TMTC2: variants seen among roughly 807,000 people sequenced by gnomAD.
TMTC2 encodes the protein protein O-mannosyl-transferase TMTC2.
TMTC2 carries 43 observed loss-of-function variants against 82.4 expected under a neutral mutation model. The ratio of observed to expected loss-of-function variants is 0.52; its 90% CI spans 0.41 to 0.67. The LOEUF (loss-of-function observed/expected upper bound fraction) is 0.67, where lower values mean the gene tolerates loss of function less well. Ranked by LOEUF, TMTC2 falls within the 30% of genes least tolerant of loss-of-function variation. The pLI is 0.00. For missense variants in TMTC2, 919 were observed against 1,012.4 expected, an observed-to-expected ratio of 0.91 and a Z score of 1.25; for synonymous variants, 408 against 381.9, an observed-to-expected ratio of 1.07 and a Z score of -0.80.
intron 1 of TMTC2, among the ~76,000 whole-genome samples, chr12:82,826,106 A>G (rs1413968982): frequency 2.0e-5 from 3 of 152,362 alleles, no homozygotes; most frequent in East Asian, 1.9e-4. Flanking sequence ...AGAATATTTA[A>G]GTAAACTTAC....
intron 1 of TMTC2, among the ~76,000 whole-genome samples, chr12:82,735,349 ATTT>A (rs66550396): frequency 5.6e-5 from 8 of 143,862 alleles, no homozygotes; most frequent in Non-Finnish European, 9.1e-5. Context: ...ATTAATTTTG[ATTT>A]TTTTTTTTTT....
intron 11 of TMTC2, among the ~76,000 whole-genome samples, chr12:83,082,814 G>C (rs1398950937): frequency 2.6e-5 from 4 of 152,270 alleles, no homozygotes; most frequent in East Asian, 3.9e-4. Context: ...GGATTTGTCT[G>C]TTTACTTGGT....
rs1881403322 is a variant in TMTC2 at position 83,030,877 on chromosome 12, A to G, written c.2150A>G (p.Tyr717Cys). Residue 717 changes from tyrosine (Y) to cysteine (C), a missense_variant and splice_region_variant, in exon 9 of 12, where the codon TAT becomes TGT. Tyr to Cys is a radical substitution (Grantham distance 194). Coordinates refer to ENST00000321196, the MANE Select transcript of TMTC2 (RefSeq NM_152588.3). ...ACCAAAGGAAACTGTTACATGCATT[A>G]TGGTGAGTGGTTGATAGTTTTTTTT... Reference protein sequence around the residue: ...DPTKGNCYMHYGQFLLEEARL... With the variant: ...DPTKGNCYMHCGQFLLEEARL... 2 of 1,610,856 alleles carry G rather than the reference A, an allele frequency of 1.2e-6. No homozygotes were observed. The highest frequency in any genetic ancestry group is 1.7e-4 in the Middle Eastern group (1 of 6,058).
intron 1 of TMTC2, among the ~76,000 whole-genome samples, chr12:82,730,616 G>T (rs1874745080): frequency 1.3e-5 from 2 of 152,170 alleles, no homozygotes; most frequent in South Asian, 2.1e-4. Flanking sequence ...TTGTACAGTT[G>T]TGTATCACAT....
At chr12:82,792,239 C>A (rs1878504420) in intron 1 of TMTC2, among the ~76,000 whole-genome samples, 1 of 152,038 alleles carries the variant, frequency 6.6e-6, no homozygotes, top group Admixed American at 6.6e-5. Flanking sequence ...AAGCACCTAT[C>A]TTTCTATCAA....
At chr12:82,902,872 A>G (rs920382255) in intron 3 of TMTC2, among the ~76,000 whole-genome samples, 2 of 152,218 alleles carry the variant, frequency 1.3e-5, no homozygotes, top group African/African-American at 2.4e-5. Flanking sequence ...ATAAAAGCTG[A>G]AAAAATAAAA....
intron 11 of TMTC2, among the ~76,000 whole-genome samples, chr12:83,123,846 A>G (rs1885027816): frequency 6.6e-6 from 1 of 152,202 alleles, no homozygotes; most frequent in Non-Finnish European, 1.5e-5. Context: ...ACCTGAAGCA[A>G]CCTAACAATT....
At chr12:83,081,549 A>G (rs1017064514) in intron 11 of TMTC2, among the ~76,000 whole-genome samples, 1 of 152,320 alleles carries the variant, frequency 6.6e-6, no homozygotes, top group Middle Eastern at 3.4e-3. Flanking sequence ...TTTTATTTCT[A>G]CTATATATGT....
chr12:82,831,501 T>C (rs938081233), intron 1 of TMTC2, among the ~76,000 whole-genome samples: 1 of 152,092 alleles, frequency 6.6e-6, no homozygotes, highest in Non-Finnish European at 1.5e-5. Flanking sequence ...AAGTAGTAAA[T>C]AAATATTTGT....
At chr12:82,748,697 G>A (rs1875817391) in intron 1 of TMTC2, among the ~76,000 whole-genome samples, 1 of 152,164 alleles carries the variant, frequency 6.6e-6, no homozygotes, top group South Asian at 2.1e-4. Flanking sequence ...TCAACATGGT[G>A]AAACCCCATC....
At chr12:83,077,129 T>G (rs1306226723) in intron 11 of TMTC2, among the ~76,000 whole-genome samples, 1 of 151,954 alleles carries the variant, frequency 6.6e-6, no homozygotes, top group Admixed American at 6.6e-5. Context: ...AGTGAAAGAG[T>G]TCAGAAAATG....
intron 11 of TMTC2, among the ~76,000 whole-genome samples, chr12:83,092,019 G>C (rs559255214): frequency 7.2e-5 from 11 of 152,326 alleles, no homozygotes; most frequent in African/African-American, 1.9e-4. Flanking sequence ...AAGAGGAAGG[G>C]GGTGAGAGAG....
intron 4 of TMTC2, among the ~76,000 whole-genome samples, chr12:82,958,875 A>T (rs1040740548): frequency 6.6e-6 from 1 of 152,092 alleles, no homozygotes; most frequent in Non-Finnish European, 1.5e-5. Flanking sequence ...CAAATAGGAA[A>T]AGCAGTCAAA....
At chr12:82,750,178 G>A (rs1875909689) in intron 1 of TMTC2, among the ~76,000 whole-genome samples, 1 of 150,700 alleles carries the variant, frequency 6.6e-6, no homozygotes, top group African/African-American at 2.4e-5. Context: ...TCCTTTAATT[G>A]TATTTCATTC....
intron 4 of TMTC2, among the ~76,000 whole-genome samples, chr12:82,963,329 T>C (rs892485777): frequency 2.0e-5 from 3 of 151,924 alleles, no homozygotes; most frequent in African/African-American, 4.8e-5. Flanking sequence ...GCTGAAGATA[T>C]TGGACAAAGA....
At position 83,102,921 on chromosome 12, in the gene TMTC2, A is replaced by C. The variant is rs114301331; in HGVS notation, c.2332-29289A>C. ...AATCATCAAAATTTCAATGATTTTT[A>C]TAATTACTTCTGTCAGTACGGCAAT... On this transcript the variant is annotated intron_variant, in intron 11 of 11. Transcript: ENST00000321196. Among the ~76,000 whole-genome samples the C allele has an allele frequency of 3.3e-3, 503 of 152,316 alleles. 2 individuals are homozygous for C. Among genetic ancestry groups the C allele is most frequent in the African/African-American group, 0.012 (480 of 41,570 alleles).
chr12:83,131,945 A>G (rs1307051258), intron 11 of TMTC2, among the ~76,000 whole-genome samples: 1 of 152,142 alleles, frequency 6.6e-6, no homozygotes, highest in African/African-American at 2.4e-5. Context: ...AGATCTTCAT[A>G]TGTTACCTAT....
chr12:82,895,809 T>C lies in TMTC2; in HGVS notation c.655-9T>C. ...ATCTTAATTTTTCCCTTCTCTCTTT[T>C]GGTTTCAGAGGAAGAACTTGTCGCT... On this transcript the variant is annotated splice_polypyrimidine_tract_variant and intron_variant, in intron 2 of 11. Coordinates refer to ENST00000321196, the MANE Select transcript of TMTC2 (RefSeq NM_152588.3). 6.3e-7 allele frequency: 1 copy of C among 1,591,040 alleles called. No individual in the cohort carries two copies. Among genetic ancestry groups the C allele is most frequent in the Non-Finnish European group, 8.6e-7 (1 of 1,169,046 alleles).
rs534776618 is a variant in TMTC2, at chr12:82,896,159, C to T, written c.996C>T (p.Ser332=). Residue 332 remains serine (S), a synonymous_variant, in exon 3 of 12, where the codon AGC becomes AGT. Coordinates refer to ENST00000321196, the MANE Select transcript of TMTC2 (RefSeq NM_152588.3). ...CCTACTATGGTTTGAAGAGCCCGAG[C>T]GTAGACAGAGAATGCAATGGGAAAA... ...LLAYYGLKSP[S]VDRECNGKTV... is the part of the protein sequence containing the mutation. 2.4e-5 allele frequency: 39 copies of T among 1,613,910 alleles called. No individual in the cohort carries two copies. The highest frequency in any genetic ancestry group is 2.4e-4 in the African/African-American group (18 of 74,926).
Sources: allele counts gnomAD v4.1 joint callset (sites outside exome capture counted in the v4.1 genomes callset), GRCh38; gene constraint gnomAD v4.1.1; transcripts MANE v1.5; gene names NCBI Gene and HGNC (gene_info 2026-07-23, HGNC 2026-07-21).